CD40: variants seen among roughly 807,000 people sequenced by gnomAD.
CD40 encodes the protein tumor necrosis factor receptor superfamily member 5.
In CD40, 19 loss-of-function variants were observed where a neutral mutation model predicts 38.5. The ratio of observed to expected loss-of-function variants is 0.49; its 90% CI spans 0.34 to 0.72. The LOEUF is 0.72. Ranked by LOEUF, CD40 falls within the 30% of genes least tolerant of loss-of-function variation. CD40 has a pLI of 0.01. For missense variants in CD40, 256 were observed against 344.1 expected (o/e 0.74, Z 2.03); for synonymous variants, 130 against 128.7 (o/e 1.01, Z -0.07).
At position 46,122,172 on chromosome 20, in the gene CD40, T is replaced by C; in HGVS notation, c.131-61T>C. 6.3e-7 allele frequency: 1 copy of C among 1,598,708 alleles called. No homozygotes were observed. Among genetic ancestry groups the C allele is most frequent in the Non-Finnish European group, 8.6e-7 (1 of 1,166,118 alleles). On this transcript the variant is annotated intron_variant, in intron 2 of 8. Transcript: ENST00000372285. This position sits in a 1 kb window ranked among gnomAD's most constrained non-coding sequence, Gnocchi z 5.0. ...CCTAAAGCCTGGCCTGATCATTGTG[T>C]GGTTAGTGTCTGACTCATGGAGTTG...
intron 1 of CD40, among the ~76,000 whole-genome samples, chr20:46,118,609 G>A (rs963702860): frequency 6.6e-6 from 1 of 152,270 alleles, no homozygotes; most frequent in African/African-American, 2.4e-5. Context: ...TACAGGGGCC[G>A]CTCAGGGAAG....
chr20:46,123,048 C>T, intron 4 of CD40, 78 bp from the exon 5 acceptor site: 1 of 1,153,528 alleles, frequency 8.7e-7, no homozygotes, highest in South Asian at 1.2e-5. Context: ...TCCCGTCCTG[C>T]CTGGCCACTG....
chr20:46,128,752 G>T (rs1487741313), intron 8 of CD40, 130 bp from the exon 9 acceptor site: 2 of 951,912 alleles, frequency 2.1e-6, no homozygotes, highest in East Asian at 2.6e-5. Context: ...GGCACCCGAG[G>T]AATCAGCACT....
Position 46,129,642 on chromosome 20 carries a change from A to T in CD40, c.*602A>T, listed in dbSNP as rs984337541. On this transcript the variant is annotated 3_prime_UTR_variant, in exon 9 of 9. Coordinates refer to ENST00000372285, the MANE Select transcript of CD40 (RefSeq NM_001250.6). ...TGCCTATGGATATATGTATAAATAC[A>T]ATATGCATCATATATTGATATAACA... is the stretch of plus-strand genomic sequence containing the variant. The T allele has an allele frequency of 6.3e-6, 1 of 158,150 alleles. No homozygotes were observed. The highest frequency in any genetic ancestry group is 2.4e-5 in the African/African-American group (1 of 41,500). The allele number at this position is 158,150 out of a possible 1,614,324, so 9.8% of individuals were successfully genotyped here.
At chr20:46,124,751 GTTTTTTTTTTTT>G (rs780015926) in intron 5 of CD40, among the ~76,000 whole-genome samples, 12 of 73,966 alleles carry the variant, frequency 1.6e-4, no homozygotes, top group East Asian at 1.2e-3. Context: ...CACTGGTATA[GTTTTTTTTTTTT>G]TTTTTTTTTT....
rs1313541286 is a variant in CD40 at position 46,122,657 on chromosome 20, A to G, written c.304A>G (p.Ile102Val). 2 of 1,614,018 alleles carry G rather than the reference A, an allele frequency of 1.2e-6. No homozygotes were observed. The highest frequency in any genetic ancestry group is 1.3e-5 in the African/African-American group (1 of 74,898). Residue 102 changes from isoleucine to valine, a missense_variant, in exon 4 of 9, where the codon ATC becomes GTC. Transcript: ENST00000372285. The surrounding 1 kb of genome is among the most constrained non-coding windows in gnomAD (Gnocchi z 5.0). ...GAAGGGCACCTCAGAAACAGACACC[A>G]TCTGCACCTGTGAAGAAGGCTGGCA... Reference protein sequence around the residue: ...QQKGTSETDTICTCEEGWHCT... With the variant: ...QQKGTSETDTVCTCEEGWHCT...
intron 6 of CD40, among the ~76,000 whole-genome samples, chr20:46,127,662 A>T (rs750357585): frequency 6.6e-6 from 1 of 152,200 alleles, no homozygotes; most frequent in Non-Finnish European, 1.5e-5. Context: ...ACTTTGAAAA[A>T]AAAATTCGGC....
At chr20:46,128,770 C>T (rs559981363) in intron 8 of CD40, 112 bp from the exon 9 acceptor site, 182 of 1,186,152 alleles carry the variant, frequency 1.5e-4, no homozygotes, top group Non-Finnish European at 2.2e-4. Context: ...ACTGACCCGC[C>T]GTCTGGGAAA....
rs562952345 is a variant in CD40, at chr20:46,126,604, C to T, written c.498-36C>T. 5.6e-6 allele frequency: 9 copies of T among 1,613,448 alleles called. No individual in the cohort carries two copies. In the South Asian group the frequency reaches 8.8e-5, roughly 16 times the overall value. ...GGAAACTTAATATCTCTTTCTTTCT[C>T]TGTGTGTGTGCATTTGTGCACGTGT... is the stretch of plus-strand genomic sequence containing the variant. On this transcript the variant is annotated intron_variant, in intron 5 of 8. Coordinates refer to ENST00000372285, the MANE Select transcript of CD40 (RefSeq NM_001250.6).
rs759072777 is a variant in CD40 at position 46,122,101 on chromosome 20, C to A, written c.131-132C>A. The stretch of plus-strand genomic sequence containing the variant: ...GGGATCCCAGCTTCTCCATCTTCCT[C>A]GCCTGATTATGAAGGATCCAAGACT... On this transcript the variant is annotated intron_variant, in intron 2 of 8. Coordinates refer to ENST00000372285, the MANE Select transcript of CD40 (RefSeq NM_001250.6). This position sits in a 1 kb window ranked among gnomAD's most constrained non-coding sequence, Gnocchi z 5.0. 2 of 1,238,786 alleles carry A rather than the reference C, an allele frequency of 1.6e-6. No individual in the cohort carries two copies. Among genetic ancestry groups the A allele is most frequent in the Admixed American group, 3.6e-5 (2 of 54,808 alleles). 76.7% of individuals were successfully genotyped at this position (1,238,786 alleles called of 1,614,324 possible). A position where few individuals can be genotyped will look rare whatever the true frequency, so the allele number is the denominator to read the frequency against.
intron 1 of CD40, among the ~76,000 whole-genome samples, chr20:46,120,367 C>T (rs2085293952): frequency 6.6e-6 from 1 of 152,230 alleles, no homozygotes; most frequent in African/African-American, 2.4e-5. Context: ...AGCAAAATAA[C>T]TAGTAAGTGT....
At chr20:46,124,727 A>T (rs149464563) in intron 5 of CD40, among the ~76,000 whole-genome samples, 238 of 135,976 alleles carry the variant, frequency 1.8e-3, no homozygotes, top group African/African-American at 6.4e-3. Context: ...ATGTTGACTG[A>T]TAACTGGAGG....
At chr20:46,121,006 A>G (rs1201433999) in intron 1 of CD40, among the ~76,000 whole-genome samples, 2 of 152,248 alleles carry the variant, frequency 1.3e-5, no homozygotes, top group African/African-American at 4.8e-5. Context: ...TAGAGGTTGC[A>G]GTGGGCTGAG....
intron 1 of CD40, among the ~76,000 whole-genome samples, chr20:46,120,105 T>C (rs2085288730): frequency 6.6e-6 from 1 of 152,134 alleles, no homozygotes; most frequent in Non-Finnish European, 1.5e-5. Context: ...TTTGCTGAGA[T>C]ACCCAGGTTG....
Position 46,121,854 on chromosome 20 carries a change from A to G in CD40, c.86A>G (p.Lys29Arg). 1 of 1,614,142 alleles carries G rather than the reference A, an allele frequency of 6.2e-7. No individual in the cohort carries two copies. Among genetic ancestry groups the G allele is most frequent in the Non-Finnish European group, 8.5e-7 (1 of 1,179,994 alleles). The change falls in exon 2 of 9, where the codon AAA (lysine) becomes AGA (arginine). Residue 29 changes from lysine to arginine, a missense_variant. Coordinates refer to ENST00000372285, the MANE Select transcript of CD40 (RefSeq NM_001250.6). The stretch of plus-strand genomic sequence containing the variant: ...GAACCACCCACTGCATGCAGAGAAA[A>G]ACAGTACCTAATAAACAGTCAGTGC... ...HPEPPTACRE[K>R]QYLINSQCCS...
At chr20:46,126,969 T>C (rs149412480) in intron 6 of CD40, 1 of 531,164 alleles carries the variant, frequency 1.9e-6, no homozygotes, top group Non-Finnish European at 3.4e-6. Flanking sequence ...ACAGTAAAGA[T>C]CAGATAATGT....
chr20:46,122,557 T>C lies in CD40; in HGVS notation c.257-53T>C. 1.9e-6 allele frequency: 3 copies of C among 1,612,924 alleles called. No homozygotes were observed. In the East Asian group the frequency reaches 6.7e-5, roughly 36 times the overall value. ...GAGCAGGCAATGTGGGGAGTGAGGC[T>C]CAGAGCATGGCCCAGCAGGGGGTTC... On this transcript the variant is annotated intron_variant, in intron 3 of 8. Transcript: ENST00000372285. This position sits in a 1 kb window ranked among gnomAD's most constrained non-coding sequence, Gnocchi z 5.0.
Position 46,122,591 on chromosome 20 carries a change from C to T in CD40, c.257-19C>T. 6 of 1,614,132 alleles carry T rather than the reference C, an allele frequency of 3.7e-6. No homozygotes were observed. The highest frequency in any genetic ancestry group is 1.1e-5 in the South Asian group (1 of 91,080). On this transcript the variant is annotated intron_variant, in intron 3 of 8. Transcript: ENST00000372285. The surrounding 1 kb of genome is among the most constrained non-coding windows in gnomAD (Gnocchi z 5.0). ...GGCCCAGCAGGGGGTTCCCATCCTT[C>T]CTGCCCTTCTCTTCTCAGACCTAGG...
chr20:46,127,967 G>C, intron 6 of CD40, 171 bp from the exon 7 acceptor site: 1 of 1,271,686 alleles, frequency 7.9e-7, no homozygotes, highest in South Asian at 1.4e-5. Flanking sequence ...AAATGTTCTG[G>C]CTCCTTTAAA....
Sources: gnomAD v4.1 joint callset for allele counts (sites outside exome capture counted in the v4.1 genomes callset) on GRCh38, gnomAD v4.1.1 for gene constraint, Gnocchi (gnomAD v3.1) non-coding constraint, MANE v1.5 for transcripts, NCBI Gene and HGNC (gene_info 2026-07-23, HGNC 2026-07-21) for gene names.